The following CECR2 variants were observed in gnomAD, a reference collection of about 807,000 sequenced individuals.
CECR2 encodes the protein chromatin remodeling regulator CECR2.
Under a neutral mutation model 154.5 loss-of-function variants are expected in CECR2, and 30 were observed. The observed-to-expected ratio is 0.19, with a 90% confidence interval of 0.15 to 0.26. The LOEUF (loss-of-function observed/expected upper bound fraction) is 0.26. CECR2 is among the 10% of genes least tolerant of loss of function. The pLI is 1.00. For missense variants in CECR2, 1,743 were observed against 1,829.3 expected (o/e 0.95, Z 0.86); for synonymous variants, 725 against 683.7 (o/e 1.06, Z -0.94).
chr22:17,448,518 C>T (rs1215728385), intron 1 of CECR2, among the ~76,000 whole-genome samples: 2 of 152,170 alleles, frequency 1.3e-5, no homozygotes, highest in African/African-American at 4.8e-5. Flanking sequence ...GCATTTATCT[C>T]ATAGTATTGC....
At chr22:17,489,969 A>T (rs1220944799) in intron 2 of CECR2, among the ~76,000 whole-genome samples, 4 of 151,436 alleles carry the variant, frequency 2.6e-5, no homozygotes, top group African/African-American at 9.7e-5. Context: ...TCCCTAAAAA[A>T]CTTGTAAATT....
At chr22:17,447,356 T>C (rs2054689219) in intron 1 of CECR2, among the ~76,000 whole-genome samples, 1 of 152,036 alleles carries the variant, frequency 6.6e-6, no homozygotes, top group South Asian at 2.1e-4. Flanking sequence ...GGTTTCATCG[T>C]GTTATCCAGG....
chr22:17,464,221 T>C (rs1385055936), intron 1 of CECR2, among the ~76,000 whole-genome samples: 1 of 152,224 alleles, frequency 6.6e-6, no homozygotes. Flanking sequence ...AGACAGGTAA[T>C]TGCTTAGGCA....
chr22:17,530,389 T>A (rs949468079), intron 9 of CECR2, among the ~76,000 whole-genome samples: 18 of 150,562 alleles, frequency 1.2e-4, no homozygotes, highest in African/African-American at 4.4e-4. Flanking sequence ...AAAAAAAAAA[T>A]AAGGCCAGGC....
intron 1 of CECR2, among the ~76,000 whole-genome samples, chr22:17,433,646 G>A (rs929824051): frequency 6.6e-6 from 1 of 152,056 alleles, no homozygotes; most frequent in Admixed American, 6.6e-5. Context: ...GGGTTTTTCT[G>A]TGTTCCCCAG....
intron 1 of CECR2, among the ~76,000 whole-genome samples, chr22:17,475,876 T>C (rs1439566350): frequency 6.6e-6 from 1 of 152,074 alleles, no homozygotes; most frequent in East Asian, 1.9e-4. Context: ...CTTCCTCTTG[T>C]GCTGTTGCTT....
intron 1 of CECR2, among the ~76,000 whole-genome samples, chr22:17,427,467 C>T (rs1601339239): frequency 1.3e-5 from 2 of 152,068 alleles, no homozygotes; most frequent in South Asian, 2.1e-4. Context: ...AGAACGAAGC[C>T]GTGGACCTCA....
chr22:17,524,124 C>T lies in CECR2; in HGVS notation c.961C>T (p.Pro321Ser), dbSNP rs1196831983. 2 of 1,585,628 alleles carry T rather than the reference C, an allele frequency of 1.3e-6. No individual in the cohort carries two copies. The highest frequency in any genetic ancestry group is 1.8e-5 in the Admixed American group (1 of 54,866). The change falls in exon 9 of 19, where the codon CCT becomes TCT. Residue 321 changes from proline to serine, a missense_variant. Physicochemically the swap from Pro to Ser is moderately conservative, Grantham distance 74. This residue lies in a region of CECR2 where 292 missense variants were observed against 301.2 expected (regional missense o/e 0.97). Transcript: ENST00000262608. ...GCTCATTGGCTCCTCACAGGAGACT[C>T]CTGTGCTGACCAGAATAGAAAAACA... Reference protein sequence around the residue: ...SIKPVKQEETPVLTRIEKQKR... With the variant: ...SIKPVKQEETSVLTRIEKQKR...
intron 1 of CECR2, among the ~76,000 whole-genome samples, chr22:17,381,224 C>T (rs2063184842): frequency 6.6e-6 from 1 of 152,214 alleles, no homozygotes; most frequent in Non-Finnish European, 1.5e-5. Flanking sequence ...CACGAATGTA[C>T]TGATGCTTTT....
chr22:17,408,867 A>G (rs947278070), intron 1 of CECR2, among the ~76,000 whole-genome samples: 1 of 152,208 alleles, frequency 6.6e-6, no homozygotes, highest in Non-Finnish European at 1.5e-5. Flanking sequence ...GAATAGTCTA[A>G]GTCCCTTACC....
chr22:17,495,325 C>G (rs376302229), intron 2 of CECR2, among the ~76,000 whole-genome samples: 1 of 151,800 alleles, frequency 6.6e-6, no homozygotes, highest in East Asian at 1.9e-4. Flanking sequence ...TCCCAGCACT[C>G]TGGGAGGCTA....
chr22:17,381,634 T>A (rs1273749807), intron 1 of CECR2, among the ~76,000 whole-genome samples: 1 of 152,112 alleles, frequency 6.6e-6, no homozygotes, highest in Non-Finnish European at 1.5e-5. Flanking sequence ...ATACTGAGGT[T>A]GCAGAGGTAT....
At chr22:17,455,378 G>C (rs1479988162) in intron 1 of CECR2, among the ~76,000 whole-genome samples, 1 of 152,180 alleles carries the variant, frequency 6.6e-6, no homozygotes, top group Non-Finnish European at 1.5e-5. Flanking sequence ...TCTTTGAAGA[G>C]GAACCTCTAC....
chr22:17,380,733 A>G (rs2063177728), intron 1 of CECR2, among the ~76,000 whole-genome samples: 3 of 152,232 alleles, frequency 2.0e-5, no homozygotes, highest in Non-Finnish European at 4.4e-5. Context: ...TCAATGTTGA[A>G]CTTTAAATCA....
intron 5 of CECR2, among the ~76,000 whole-genome samples, chr22:17,502,366 A>G (rs1019291362): frequency 2.6e-5 from 4 of 152,336 alleles, no homozygotes; most frequent in East Asian, 1.9e-4. Flanking sequence ...GGAGGAGGAC[A>G]TTGGAATCCC....
Position 17,485,157 on chromosome 22 carries a change from G to A in CECR2, c.221+7475G>A, listed in dbSNP as rs530168802. ...TCAAGAACACTCATTTAATCCTTCC[G>A]ACAGCCCTCTAATAGAAAGTCCTCT... On this transcript the variant is annotated intron_variant, in intron 2 of 18. Transcript: ENST00000262608. Among the ~76,000 whole-genome samples, 8 of 152,204 alleles carry A rather than the reference G, an allele frequency of 5.3e-5. No individual in the cohort carries two copies. In the East Asian group the frequency reaches 1.5e-3, roughly 29 times the overall value.
chr22:17,511,179 T>C (rs2055944153), intron 7 of CECR2, among the ~76,000 whole-genome samples: 2 of 152,202 alleles, frequency 1.3e-5, no homozygotes, highest in African/African-American at 4.8e-5. Context: ...CCTCACAAAT[T>C]GCAAAACTTA....
intron 1 of CECR2, among the ~76,000 whole-genome samples, chr22:17,395,376 G>T (rs770677481): frequency 6.6e-6 from 1 of 151,294 alleles, no homozygotes; most frequent in South Asian, 2.1e-4. Context: ...ATGGAGTCTC[G>T]CTCTGTCGCC....
chr22:17,515,464 AT>A (rs1349086851), intron 8 of CECR2, among the ~76,000 whole-genome samples: 1 of 152,162 alleles, frequency 6.6e-6, no homozygotes, highest in Non-Finnish European at 1.5e-5. Flanking sequence ...AATCATTACT[AT>A]TTACGTTTTT....
Sources: allele counts gnomAD v4.1 joint callset (sites outside exome capture counted in the v4.1 genomes callset), GRCh38; gene constraint gnomAD v4.1.1; regional missense constraint gnomAD v4.1.1; transcripts MANE v1.5; gene names NCBI Gene and HGNC (gene_info 2026-07-23, HGNC 2026-07-21).